Variants in KLHL4 observed in about 807,000 individuals in gnomAD.
KLHL4 encodes the protein kelch like family member 4, also known as kelch-like protein 4.
A neutral mutation model predicts 45.8 loss-of-function variants in KLHL4; 17 were observed. That is an observed-to-expected ratio of 0.37 (90% CI 0.25 to 0.56). KLHL4 has a LOEUF of 0.56. Ranked by LOEUF, KLHL4 falls within the 20% of genes least tolerant of loss-of-function variation. The pLI is 0.79. For missense variants in KLHL4, 544 were observed against 544.9 expected, an observed-to-expected ratio of 1.00 and a Z score of 0.02; for synonymous variants, 224 against 189.9, an observed-to-expected ratio of 1.18 and a Z score of -1.47.
intron 1 of KLHL4, among the ~76,000 whole-genome samples, chrX:87,534,208 T>G (rs2147768893): frequency 9.0e-6 from 1 of 111,565 alleles, no homozygotes; most frequent in African/African-American, 3.2e-5. Flanking sequence ...CTGACATTGC[T>G]AAATAAGATC....
rs1462125622 is a variant in KLHL4, at chrX:87,558,551, TGTACTCCA to T, written c.422+40239_422+40246del. Among the ~76,000 whole-genome samples, 12 of 111,872 alleles carry T rather than the reference TGTACTCCA, an allele frequency of 1.1e-4. No homozygotes were observed. The South Asian group carries it at 2.6e-3, about 24-fold the overall frequency. Reference sequence around the variant, plus strand: ...GTTGCAGTGAGCCGAGTTCGGCCACTGTACTCCAGTCTGGGCAACAGAGCGAGACTCCA... The same window carrying T: ...GTTGCAGTGAGCCGAGTTCGGCCACTGTCTGGGCAACAGAGCGAGACTCCA... On this transcript the variant is annotated intron_variant, in intron 1 of 10. Coordinates refer to ENST00000373119, the MANE Select transcript of KLHL4 (RefSeq NM_019117.5).
At chrX:87,524,304 A>G (rs1931066631) in intron 1 of KLHL4, among the ~76,000 whole-genome samples, 1 of 112,176 alleles carries the variant, frequency 8.9e-6, no homozygotes, top group Admixed American at 9.5e-5. Flanking sequence ...GACAGATATG[A>G]TAATTAGTTT....
At chrX:87,665,784 T>C (rs977179200) in intron 10 of KLHL4, among the ~76,000 whole-genome samples, 1 of 111,553 alleles carries the variant, frequency 9.0e-6, no homozygotes, top group Non-Finnish European at 1.9e-5. Context: ...TACAGCTATC[T>C]ATTGCTCTAA....
rs1922471564 is a variant in KLHL4 at position 87,614,046 on chromosome X, T to A, written c.590+2T>A. 1 of 1,184,072 alleles carries A rather than the reference T, an allele frequency of 8.4e-7. No homozygotes were observed. The highest frequency in any genetic ancestry group is 1.8e-5 in the African/African-American group (1 of 56,525). ...ACACCTCCGCATCCCAGCCCATAGG[T>A]AAGTATTTTTATGTATACAGAATGG... is the stretch of plus-strand genomic sequence containing the variant. On this transcript the variant is annotated splice_donor_variant, in intron 2 of 10. Coordinates refer to ENST00000373119, the MANE Select transcript of KLHL4 (RefSeq NM_019117.5). LOFTEE classifies it high-confidence loss of function.
Position 87,638,304 on chromosome X carries a change from G to C in KLHL4, c.1925+2529G>C, listed in dbSNP as rs935053233. ...AATCAAGGAAAACTTCCCTGGCCTTGCTAGAGATCTAGACAGCCATACACA... is the reference window on the plus strand; with the variant it reads ...AATCAAGGAAAACTTCCCTGGCCTTCCTAGAGATCTAGACAGCCATACACA... On this transcript the variant is annotated intron_variant, in intron 9 of 10. Transcript: ENST00000373119. Among the ~76,000 whole-genome samples the C allele has an allele frequency of 8.9e-4, 100 of 111,807 alleles. 1 individual carries two copies. Among genetic ancestry groups the C allele is most frequent in the African/African-American group, 3.1e-3 (97 of 30,851 alleles).
chrX:87,651,253 T>C (rs752862793), intron 9 of KLHL4, among the ~76,000 whole-genome samples: 1 of 111,447 alleles, frequency 9.0e-6, no homozygotes, highest in East Asian at 2.9e-4. Flanking sequence ...GAAGCTACAA[T>C]TCAAGATGAG....
chrX:87,645,664 T>C (rs1283229908), intron 9 of KLHL4, among the ~76,000 whole-genome samples: 1 of 111,332 alleles, frequency 9.0e-6, no homozygotes, highest in African/African-American at 3.3e-5. Context: ...TACCCATCAA[T>C]CAACAAGTGG....
chrX:87,641,827 G>T (rs1004986168), intron 9 of KLHL4, among the ~76,000 whole-genome samples: 2 of 110,349 alleles, frequency 1.8e-5, no homozygotes, highest in Non-Finnish European at 3.8e-5. Flanking sequence ...AATCCTCCTA[G>T]GTACACAGCT....
chrX:87,540,720 T>C (rs895782565), intron 1 of KLHL4, among the ~76,000 whole-genome samples: 2 of 111,310 alleles, frequency 1.8e-5, no homozygotes, highest in Non-Finnish European at 3.8e-5. Flanking sequence ...TTTTAATAAG[T>C]AGAAGGAATA....
chrX:87,535,605 T>A (rs989685114), intron 1 of KLHL4, among the ~76,000 whole-genome samples: 2 of 111,004 alleles, frequency 1.8e-5, no homozygotes, highest in Non-Finnish European at 3.8e-5. Flanking sequence ...CTCTATACTC[T>A]CAGTTCAACA....
chrX:87,617,209 CTG>C (rs1472750338), intron 3 of KLHL4, among the ~76,000 whole-genome samples: 13 of 90,550 alleles, frequency 1.4e-4, no homozygotes, highest in Non-Finnish European at 2.2e-4. Flanking sequence ...CAAAAAGAGA[CTG>C]TTTTTTTTTT....
In KLHL4 at chrX:87,584,350, A is replaced by G. The variant is rs763746596; in HGVS notation, c.423-29527A>G. ...ACATCATCCACGGAAACATGACCTCAATAAATGAACGAAATAAGGTACCAG... is the reference window on the plus strand; with the variant it reads ...ACATCATCCACGGAAACATGACCTCGATAAATGAACGAAATAAGGTACCAG... On this transcript the variant is annotated intron_variant, in intron 1 of 10. Coordinates refer to ENST00000373119, the MANE Select transcript of KLHL4 (RefSeq NM_019117.5). 4.5e-5 allele frequency among the ~76,000 whole-genome samples: 5 copies of G among 112,303 alleles called. No individual in the cohort carries two copies. The South Asian group carries it at 1.9e-3, about 42-fold the overall frequency.
At chrX:87,652,899 A>G (rs1923865595) in intron 9 of KLHL4, among the ~76,000 whole-genome samples, 1 of 112,254 alleles carries the variant, frequency 8.9e-6, no homozygotes, top group African/African-American at 3.2e-5. Flanking sequence ...ACTGGGAAGA[A>G]AAAGAGGTTT....
chrX:87,550,016 C>T (rs1432465787), intron 1 of KLHL4, among the ~76,000 whole-genome samples: 1 of 110,594 alleles, frequency 9.0e-6, no homozygotes, highest in East Asian at 2.8e-4. Context: ...AAATTTTTAG[C>T]CAGACTAAGA....
chrX:87,590,608 A>G (rs1921631025), intron 1 of KLHL4, among the ~76,000 whole-genome samples: 1 of 112,020 alleles, frequency 8.9e-6, no homozygotes, highest in South Asian at 3.7e-4. Context: ...AGGGATAGTA[A>G]TTAAAACACT....
At chrX:87,630,571 A>G (rs1239992949) in intron 6 of KLHL4, among the ~76,000 whole-genome samples, 1 of 111,331 alleles carries the variant, frequency 9.0e-6, no homozygotes, top group Admixed American at 9.6e-5. Flanking sequence ...GTTATTATTC[A>G]GAAGTTTCCC....
At position 87,667,806 on chromosome X, in the gene KLHL4, A is replaced by G. The variant is rs943258929; in HGVS notation, c.*1272A>G. 2.4e-5 allele frequency: 16 copies of G among 674,326 alleles called. No individual in the cohort carries two copies. Among genetic ancestry groups the G allele is most frequent in the African/African-American group, 7.2e-5 (3 of 41,829 alleles). The allele number at this position is 674,326 out of a possible 1,213,427, so 55.6% of individuals were successfully genotyped here. ...CAGTCTTTTTATTGTGGATTGTGAA[A>G]TCAAAATCTGGAGAAATGCTTATAA... On this transcript the variant is annotated 3_prime_UTR_variant, in exon 11 of 11. Coordinates refer to ENST00000373119, the MANE Select transcript of KLHL4 (RefSeq NM_019117.5).
At chrX:87,536,065 A>G (rs1420671688) in intron 1 of KLHL4, among the ~76,000 whole-genome samples, 1 of 111,215 alleles carries the variant, frequency 9.0e-6, no homozygotes, top group Non-Finnish European at 1.9e-5. Flanking sequence ...ACTGTGTCTC[A>G]GATACTTCTT....
At chrX:87,657,517 C>T (rs1179389041) in intron 9 of KLHL4, among the ~76,000 whole-genome samples, 2 of 112,007 alleles carry the variant, frequency 1.8e-5, no homozygotes, top group African/African-American at 3.2e-5. Context: ...AGGTTCAGGG[C>T]CTCCTAAGCA....
Sources: gnomAD v4.1 joint callset for allele counts (sites outside exome capture counted in the v4.1 genomes callset) on GRCh38, gnomAD v4.1.1 for gene constraint, MANE v1.5 for transcripts, NCBI Gene and HGNC (gene_info 2026-07-23, HGNC 2026-07-21) for gene names.